CERS4: variants seen among roughly 807,000 people sequenced by gnomAD.
CERS4 encodes the protein LAG1 homolog, ceramide synthase 4.
CERS4 carries 65 observed loss-of-function variants against 51.8 expected under a neutral mutation model. The ratio of observed to expected loss-of-function variants is 1.26; its 90% CI spans 1.03 to 1.54. The LOEUF (loss-of-function observed/expected upper bound fraction) is 1.54, where lower values mean the gene tolerates loss of function less well. Ranked by LOEUF, CERS4 falls within the 40% of genes most tolerant of loss-of-function variation. The pLI, the probability that CERS4 is intolerant of heterozygous loss-of-function variation, is 0.00. For synonymous variants in CERS4, 228 were observed against 208.4 expected, an observed-to-expected ratio of 1.09 and a Z score of -0.81; for missense variants, 563 against 500.4, an observed-to-expected ratio of 1.13 and a Z score of -1.19.
rs923276840 is a variant in CERS4, at chr19:8,243,077, C to T, written c.-1-7999C>T. On this transcript the variant is annotated intron_variant, in intron 2 of 11. Coordinates refer to ENST00000251363, the MANE Select transcript of CERS4 (RefSeq NM_024552.3). ...TAGCAGGGTCTCTGAGAAAGCTGCA[C>T]CAGTGACTCAGAAGGCTGAGGTGGG... Among the ~76,000 whole-genome samples, 42 of 151,204 alleles carry T rather than the reference C, an allele frequency of 2.8e-4. 1 individual carries two copies. The highest frequency in any genetic ancestry group is 1.5e-4 in the African/African-American group (6 of 41,062).
At position 8,228,689 on chromosome 19, in the gene CERS4, T is replaced by G. The variant is rs150532700; in HGVS notation, c.-2+17827T>G. Among the ~76,000 whole-genome samples, 323 of 145,534 alleles carry G rather than the reference T, an allele frequency of 2.2e-3. 2 individuals are homozygous for G. Among genetic ancestry groups the G allele is most frequent in the African/African-American group, 7.9e-3 (308 of 38,916 alleles). ...AAACTCCGTCTCAAAAAAAAAATTT[T>G]TTTTTTAAGAAGTCACCCTTAAACC... On this transcript the variant is annotated intron_variant, in intron 2 of 11. Transcript: ENST00000251363.
chr19:8,233,592 A>T (rs1333884202), intron 2 of CERS4, among the ~76,000 whole-genome samples: 2 of 152,192 alleles, frequency 1.3e-5, no homozygotes, highest in Non-Finnish European at 2.9e-5. Context: ...TGTATAAATT[A>T]TCAGGCCATT....
At chr19:8,256,823 G>T in intron 8 of CERS4, 113 bp downstream of exon 8, 1 of 1,577,102 alleles carries the variant, frequency 6.3e-7, no homozygotes, top group South Asian at 1.2e-5. Flanking sequence ...CCTCCTGCAG[G>T]AGATATAGAG....
chr19:8,254,438 C>A, intron 3 of CERS4, 61 bp from the exon 4 acceptor site: 1 of 1,511,200 alleles, frequency 6.6e-7, no homozygotes, highest in East Asian at 2.3e-5. Context: ...TGTCTGCCCC[C>A]ACACACAGGC....
At chr19:8,257,440 ATTTTTT>A (rs34718857) in intron 9 of CERS4, among the ~76,000 whole-genome samples, 1 of 150,658 alleles carries the variant, frequency 6.6e-6, no homozygotes, top group African/African-American at 2.4e-5. Context: ...ATGTATTCAC[ATTTTTT>A]TTTTTGAGAC....
chr19:8,256,034 C>G (rs989962706), intron 6 of CERS4, 155 bp downstream of exon 6: 2 of 959,434 alleles, frequency 2.1e-6, no homozygotes, highest in East Asian at 2.6e-5. Context: ...GTTCACTCAA[C>G]AGGTATTTGG....
At position 8,251,213 on chromosome 19, in the gene CERS4, C is replaced by T. The variant is rs758046000; in HGVS notation, c.137C>T (p.Ala46Val). 5.2e-5 allele frequency: 83 copies of T among 1,611,134 alleles called. 1 individual carries two copies. The highest frequency in any genetic ancestry group is 1.3e-4 in the Admixed American group (8 of 59,408). ...GACTTGTTGGCAGCCCTGCCCCTGG[C>T]GCTGGTCCTCCTGGCCATGCGCCTT... ...PQDLLAALPLALVLLAMRLAF... is the reference protein window; with the variant it reads ...PQDLLAALPLVLVLLAMRLAF... The change falls in exon 3 of 12, where the codon GCG (alanine) becomes GTG (valine). Residue 46 changes from alanine to valine, a missense_variant. Ala to Val is a moderately conservative substitution (Grantham distance 64, BLOSUM62 0). Transcript: ENST00000251363.
chr19:8,249,587 A>ATTTTC (rs1439833362), intron 2 of CERS4, among the ~76,000 whole-genome samples: 3 of 91,380 alleles, frequency 3.3e-5, no homozygotes, highest in Non-Finnish European at 5.9e-5. Flanking sequence ...GGAACTCTGG[A>ATTTTC]TTTTTTTTTT....
At chr19:8,242,124 C>T (rs1968563623) in intron 2 of CERS4, among the ~76,000 whole-genome samples, 1 of 152,128 alleles carries the variant, frequency 6.6e-6, no homozygotes. Flanking sequence ...GGCACCTGTC[C>T]CACCAACAGG....
chr19:8,219,130 C>A (rs1321267415), intron 2 of CERS4, among the ~76,000 whole-genome samples: 1 of 152,128 alleles, frequency 6.6e-6, no homozygotes, highest in Non-Finnish European at 1.5e-5. Flanking sequence ...TCACTTGAAC[C>A]CAGGAGGCGG....
At chr19:8,255,513 G>A (rs936712323) in intron 4 of CERS4, 94 bp from the exon 5 acceptor site, 4 of 1,061,650 alleles carry the variant, frequency 3.8e-6, no homozygotes, top group Non-Finnish European at 5.6e-6. Flanking sequence ...ATGTGGGCCT[G>A]CAGTGGAGAG....
At chr19:8,219,491 C>T (rs570819743) in intron 2 of CERS4, among the ~76,000 whole-genome samples, 14 of 152,222 alleles carry the variant, frequency 9.2e-5, no homozygotes, top group African/African-American at 2.6e-4. Flanking sequence ...ATAGTAAGAC[C>T]CTATCTCTAT....
intron 2 of CERS4, among the ~76,000 whole-genome samples, chr19:8,244,486 C>G (rs1208951108): frequency 1.3e-5 from 2 of 152,166 alleles, no homozygotes; most frequent in Non-Finnish European, 2.9e-5. Context: ...TGACCAATAT[C>G]TTGCCAATTT....
chr19:8,257,835 A>G, intron 9 of CERS4, 44 bp from the exon 10 acceptor site: 1 of 1,490,420 alleles, frequency 6.7e-7, no homozygotes. Flanking sequence ...CTTTGAGACC[A>G]GGGCCCTGGT....
intron 10 of CERS4, among the ~76,000 whole-genome samples, chr19:8,259,824 G>A (rs2073047419): frequency 6.6e-6 from 1 of 152,156 alleles, no homozygotes; most frequent in Admixed American, 6.5e-5. Context: ...CAGCCTGGAT[G>A]GCATCACCTA....
chr19:8,256,772 G>A (rs1351189023), intron 8 of CERS4, 62 bp downstream of exon 8: 4 of 1,580,926 alleles, frequency 2.5e-6, no homozygotes, highest in Non-Finnish European at 3.4e-6. Flanking sequence ...GTGCTGGGGG[G>A]TAGGGCAGCC....
At chr19:8,231,161 G>A (rs1967990204) in intron 2 of CERS4, among the ~76,000 whole-genome samples, 1 of 152,098 alleles carries the variant, frequency 6.6e-6, no homozygotes, top group African/African-American at 2.4e-5. Flanking sequence ...TCCAACATCT[G>A]GGTCACCTCA....
intron 2 of CERS4, among the ~76,000 whole-genome samples, chr19:8,239,983 G>A (rs1458907308): frequency 2.0e-5 from 3 of 152,150 alleles, no homozygotes; most frequent in Admixed American, 2.0e-4. Context: ...GATCAACTGG[G>A]ACAAGAGGGT....
intron 2 of CERS4, among the ~76,000 whole-genome samples, chr19:8,232,360 G>A (rs541226732): frequency 1.3e-5 from 2 of 151,274 alleles, no homozygotes; most frequent in African/African-American, 2.4e-5. Context: ...GTGCAATCTC[G>A]GCTCGCTGCA....
Sources: gnomAD v4.1 joint callset for allele counts (sites outside exome capture counted in the v4.1 genomes callset) on GRCh38, gnomAD v4.1.1 for gene constraint, MANE v1.5 for transcripts, NCBI Gene and HGNC (gene_info 2026-07-23, HGNC 2026-07-21) for gene names.